Variants in TAF1C observed in about 807,000 individuals in gnomAD.
TAF1C encodes the protein TATA box-binding protein-associated factor RNA polymerase I subunit C.
TAF1C carries 79 observed loss-of-function variants against 70.5 expected under a neutral mutation model. The ratio of observed to expected loss-of-function variants is 1.12; its 90% CI spans 0.93 to 1.35. The LOEUF (loss-of-function observed/expected upper bound fraction) is 1.35. Among genes scored for constraint, TAF1C ranks in the 40% most tolerant of loss-of-function variants. TAF1C has a pLI of 0.00. For missense variants in TAF1C, 1,412 were observed against 1,127.8 expected, an observed-to-expected ratio of 1.25 and a Z score of -3.61; for synonymous variants, 614 against 491.1, an observed-to-expected ratio of 1.25 and a Z score of -3.31.
chr16:84,185,222 C>T (rs1363863608), intron 1 of TAF1C, 162 bp from the exon 2 acceptor site: 5 of 422,948 alleles, frequency 1.2e-5, no homozygotes, highest in Non-Finnish European at 2.1e-5. Context: ...GGCGTGGTTT[C>T]AGCAAAGCCA....
Position 84,182,187 on chromosome 16 carries a change from C to T in TAF1C, c.721+15G>A, listed in dbSNP as rs377664551. 44 of 1,600,786 alleles carry T rather than the reference C, an allele frequency of 2.7e-5. No individual in the cohort carries two copies. The East Asian group carries it at 4.7e-4, about 17-fold the overall frequency. ...GCGAGCCCGCTGGAATCTCCTGTCT[C>T]GCAAGAAAGGATACGCAGCCTGTCC... On this transcript the variant is annotated intron_variant, in intron 7 of 14. Coordinates refer to ENST00000566732, the MANE Select transcript of TAF1C (RefSeq NM_001243156.2). This position sits in a 1 kb window ranked among gnomAD's most constrained non-coding sequence, Gnocchi z 5.0.
At chr16:84,184,395 C>T (rs756012165) in intron 2 of TAF1C, among the ~76,000 whole-genome samples, 4 of 152,124 alleles carry the variant, frequency 2.6e-5, no homozygotes, top group Admixed American at 2.0e-4. Flanking sequence ...GGGAACTAGG[C>T]GGCTGAGGAT....
chr16:84,184,199 C>A (rs1211284959), intron 2 of TAF1C, among the ~76,000 whole-genome samples: 4 of 152,236 alleles, frequency 2.6e-5, no homozygotes, highest in African/African-American at 9.6e-5. Flanking sequence ...TCGGCCCAGA[C>A]ATTCAGGGGA....
rs1203909718 is a variant in TAF1C at position 84,179,236 on chromosome 16, G to A, written c.2237C>T (p.Thr746Ile). The A allele has an allele frequency of 6.3e-7, 1 of 1,584,642 alleles. No individual in the cohort carries two copies. The highest frequency in any genetic ancestry group is 1.3e-5 in the African/African-American group (1 of 74,776). Residue 746 changes from threonine to isoleucine, a missense_variant, in exon 15 of 15, where the codon ACC becomes ATC. Thr to Ile is a moderately conservative substitution (Grantham distance 89). Coordinates refer to ENST00000566732, the MANE Select transcript of TAF1C (RefSeq NM_001243156.2). ...CCACTCAGGGCTATGAGGGGAGCTG[G>A]TGTCCTCTGAGGGATCCACATGGCC... ...LSGHVDPSED[T>I]SSPHSPEWPP...
Position 84,179,972 on chromosome 16 carries a change from T to A in TAF1C, c.1595A>T (p.Gln532Leu). The A allele has an allele frequency of 6.2e-7, 1 of 1,612,236 alleles. No homozygotes were observed. The highest frequency in any genetic ancestry group is 1.7e-4 in the Middle Eastern group (1 of 6,056). The change falls in exon 14 of 15, where the codon CAG becomes CTG. Residue 532 changes from glutamine (Q) to leucine (L), a missense_variant. Coordinates refer to ENST00000566732, the MANE Select transcript of TAF1C (RefSeq NM_001243156.2). ...LLEPKIQWRLQERLKAPTIGL... is the reference protein window; with the variant it reads ...LLEPKIQWRLLERLKAPTIGL... ...TATGGTCGGTGCTTTCAGGCGCTCC[T>A]GCAGCCGCCACTGGATCTTAGGCTC...
chr16:84,183,552 C>T (rs575235745), intron 3 of TAF1C, 45 bp from the exon 4 acceptor site: 24 of 1,571,262 alleles, frequency 1.5e-5, no homozygotes, highest in South Asian at 4.6e-5. Flanking sequence ...CACAGGAGTG[C>T]GGCCAGATGC....
Position 84,179,966 on chromosome 16 carries a change from C to T in TAF1C, c.1601G>A (p.Arg534His), listed in dbSNP as rs144584702. Reference sequence around the variant, plus strand: ...CACACCTATGGTCGGTGCTTTCAGGCGCTCCTGCAGCCGCCACTGGATCTT... The same window carrying T: ...CACACCTATGGTCGGTGCTTTCAGGTGCTCCTGCAGCCGCCACTGGATCTT... ...EPKIQWRLQE[R>H]LKAPTIGLAA... The change falls in exon 14 of 15, where the codon CGC (arginine) becomes CAC (histidine). Residue 534 changes from arginine to histidine, a missense_variant. Arg to His is a conservative substitution (Grantham distance 29). Transcript: ENST00000566732. The T allele has an allele frequency of 5.6e-5, 91 of 1,612,110 alleles. No homozygotes were observed. The highest frequency in any genetic ancestry group is 1.2e-4 in the Admixed American group (7 of 59,934).
In TAF1C at chr16:84,181,355, G is replaced by A. The variant is rs770711135; in HGVS notation, c.1137C>T (p.Arg379=). ...GAGTGTCCAGCATCTTCACTCCGGT[G>A]CGGTCACCCACGGTCAGCACCCGAG... ...AHPRVLTVGD[R]TGVKMLDTQG... is the part of the protein sequence containing the mutation. Residue 379 remains arginine, a synonymous_variant, in exon 11 of 15, where the codon CGC becomes CGT. Coordinates refer to ENST00000566732, the MANE Select transcript of TAF1C (RefSeq NM_001243156.2). The A allele has an allele frequency of 1.5e-5, 25 of 1,613,632 alleles. No individual in the cohort carries two copies. The highest frequency in any genetic ancestry group is 3.3e-5 in the South Asian group (3 of 91,078).
At position 84,179,796 on chromosome 16, in the gene TAF1C, G is replaced by T; in HGVS notation, c.1677C>A (p.Leu559=). The change falls in exon 15 of 15, where the codon CTC becomes CTA. Residue 559 remains leucine, a synonymous_variant. Transcript: ENST00000566732. The stretch of plus-strand genomic sequence containing the variant: ...CATCTCCCGCCGCCGAGAGCTGGAA[G>T]AGCACCAGGCCTGGTGTGGGCGCTG... ...LPSAPTPGLV[L]FQLSAAGDVF... 6.2e-7 allele frequency: 1 copy of T among 1,610,428 alleles called. No homozygotes were observed.
At chr16:84,186,418 G>C (rs1207186461) in intron 1 of TAF1C, among the ~76,000 whole-genome samples, 1 of 152,192 alleles carries the variant, frequency 6.6e-6, no homozygotes, top group Admixed American at 6.5e-5. Context: ...GCCGGGCGTG[G>C]TGGTGTACAC....
At position 84,186,381 on chromosome 16, in the gene TAF1C, C is replaced by G. The variant is rs573063719; in HGVS notation, c.-73+520G>C. On this transcript the variant is annotated intron_variant, in intron 1 of 14. Coordinates refer to ENST00000566732, the MANE Select transcript of TAF1C (RefSeq NM_001243156.2). ...CCAGTCCGGCCAATACAGTGAAACC[C>G]TGTCAATACTAAAAATACAAAAATT... Among the ~76,000 whole-genome samples, 6 of 152,312 alleles carry G rather than the reference C, an allele frequency of 3.9e-5. No homozygotes were observed. In the South Asian group the frequency reaches 1.0e-3, roughly 26 times the overall value.
In TAF1C at chr16:84,181,983, C is replaced by G; in HGVS notation, c.797G>C (p.Gly266Ala). 6.2e-7 allele frequency: 1 copy of G among 1,613,806 alleles called. No homozygotes were observed. Among genetic ancestry groups the G allele is most frequent in the South Asian group, 1.1e-5 (1 of 91,084 alleles). ...GCATGTCACCACTTGCCGGACAGGT[C>G]CCTGGAGCTGGATGCGTCCAGGTTT... ...LGKPGRIQLQ[G>A]PVRQVVTCTV... The change falls in exon 8 of 15, where the codon GGA becomes GCA. Residue 266 changes from glycine (G) to alanine (A), a missense_variant. Gly to Ala is a moderately conservative substitution (Grantham distance 60). Coordinates refer to ENST00000566732, the MANE Select transcript of TAF1C (RefSeq NM_001243156.2).
chr16:84,180,945 G>A (rs1308468715), intron 12 of TAF1C, 98 bp downstream of exon 12: 4 of 1,465,514 alleles, frequency 2.7e-6, no homozygotes, highest in Non-Finnish European at 3.6e-6. Context: ...TTGCTGGGTG[G>A]TTGTCTGGGC....
rs2151293210 is a variant in TAF1C at position 84,179,231 on chromosome 16, A to G, written c.2242T>C (p.Ser748Pro). Residue 748 changes from serine to proline, a missense_variant, in exon 15 of 15, where the codon TCC (serine) becomes CCC (proline). By Grantham distance (74) the Ser-to-Pro change is moderately conservative. Transcript: ENST00000566732. ...GGTGGCCACTCAGGGCTATGAGGGG[A>G]GCTGGTGTCCTCTGAGGGATCCACA... ...GHVDPSEDTSSPHSPEWPPAD... is the reference protein window; with the variant it reads ...GHVDPSEDTSPPHSPEWPPAD... The G allele has an allele frequency of 6.3e-7, 1 of 1,584,790 alleles. No homozygotes were observed. The highest frequency in any genetic ancestry group is 8.5e-7 in the Non-Finnish European group (1 of 1,172,016).
At position 84,179,734 on chromosome 16, in the gene TAF1C, C is replaced by G. The variant is rs1165134958; in HGVS notation, c.1739G>C (p.Ser580Thr). 6.2e-7 allele frequency: 1 copy of G among 1,611,550 alleles called. No individual in the cohort carries two copies. Among genetic ancestry groups the G allele is most frequent in the East Asian group, 2.2e-5 (1 of 44,862 alleles). ...YQQLRPQVDS[S>T]LRRDAGPPGD... ...AGGAGGCCCAGCATCTCTGCGGAGG[C>G]TGGAGTCCACCTGGGGGCGGAGCTG... is the stretch of plus-strand genomic sequence containing the variant. The change falls in exon 15 of 15, where the codon AGC becomes ACC. Residue 580 changes from serine to threonine, a missense_variant. Ser to Thr is a moderately conservative substitution (Grantham distance 58). Transcript: ENST00000566732.
intron 4 of TAF1C, 25 bp downstream of exon 4, chr16:84,183,385 C>T: frequency 5.0e-6 from 8 of 1,613,500 alleles, no homozygotes; most frequent in Non-Finnish European, 6.8e-6. Context: ...GGCTACGCAG[C>T]ACTGTCCCCC....
At chr16:84,183,593 G>C in intron 3 of TAF1C, 86 bp from the exon 4 acceptor site, 1 of 1,547,156 alleles carries the variant, frequency 6.5e-7, no homozygotes, top group African/African-American at 1.4e-5. Flanking sequence ...CAAGGGTCCT[G>C]AGCAGGCACA....
rs1449348355 is a variant in TAF1C at position 84,185,060 on chromosome 16, C to G, written c.-72G>C. ...GAAGCTGGTAAGGGGCGCCAGAGTT[C>G]CTGAGGAGTGAAAAGTGCACTACGG... On this transcript the variant is annotated splice_region_variant and 5_prime_UTR_variant, in exon 2 of 15. Transcript: ENST00000566732. The G allele has an allele frequency of 7.1e-6, 11 of 1,546,514 alleles. No homozygotes were observed. The highest frequency in any genetic ancestry group is 9.6e-6 in the Non-Finnish European group (11 of 1,145,608).
At position 84,181,828 on chromosome 16, in the gene TAF1C, C is replaced by G. The variant is rs141932401; in HGVS notation, c.874G>C (p.Val292Leu). ...LAVRSDYHCA[V>L]WKFGKQWQPT... ...TGCCACTGTTTACCAAACTTCCACA[C>G]GGCACAGTGGTAGTCAGAGCGGACG... is the stretch of plus-strand genomic sequence containing the variant. Residue 292 changes from valine (V) to leucine (L), a missense_variant, in exon 9 of 15, where the codon GTG (valine) becomes CTG (leucine). Val to Leu is a conservative substitution (Grantham distance 32, BLOSUM62 1). Transcript: ENST00000566732. The G allele has an allele frequency of 1.9e-6, 3 of 1,614,152 alleles. No individual in the cohort carries two copies. The highest frequency in any genetic ancestry group is 1.1e-5 in the South Asian group (1 of 91,088).
Sources: allele counts gnomAD v4.1 joint callset (sites outside exome capture counted in the v4.1 genomes callset), GRCh38; gene constraint gnomAD v4.1.1; non-coding constraint Gnocchi (gnomAD v3.1); transcripts MANE v1.5; gene names NCBI Gene and HGNC (gene_info 2026-07-23, HGNC 2026-07-21).